DOCK9: variants seen among roughly 807,000 people sequenced by gnomAD.
The protein encoded by DOCK9 is dedicator of cytokinesis 9, also known as dedicator of cytokinesis protein 9.
A neutral mutation model predicts 263.3 loss-of-function variants in DOCK9; 89 were observed. That is an observed-to-expected ratio of 0.34 (90% CI 0.28 to 0.40). The LOEUF (loss-of-function observed/expected upper bound fraction) is 0.40. DOCK9 is among the 10% of genes least tolerant of loss of function. The pLI is 1.00. For missense variants in DOCK9, 2,140 were observed against 2,603.4 expected (o/e 0.82, Z 3.87); for synonymous variants, 976 against 973.1 (o/e 1.00, Z -0.06).
chr13:98,801,860 C>T (rs1049870891), intron 49 of DOCK9, among the ~76,000 whole-genome samples: 3 of 152,200 alleles, frequency 2.0e-5, no homozygotes, highest in African/African-American at 7.2e-5. Flanking sequence ...TGGACAAAAG[C>T]GGAAAACATG....
chr13:98,997,417 CCCGCA>C (rs1881305047), intron 1 of DOCK9, among the ~76,000 whole-genome samples: 1 of 152,220 alleles, frequency 6.6e-6, no homozygotes, highest in Admixed American at 6.5e-5. Flanking sequence ...CCTGCTGAGC[CCCGCA>C]CCTCAGAGTT....
chr13:98,920,858 TG>T, intron 7 of DOCK9, 95 bp downstream of exon 7: 1 of 1,207,454 alleles, frequency 8.3e-7, no homozygotes. Context: ...CCATGCATAT[TG>T]CCATTTTTGG....
intron 1 of DOCK9, among the ~76,000 whole-genome samples, chr13:98,974,717 T>C: frequency 8.9e-6 from 1 of 112,570 alleles, no homozygotes; most frequent in Non-Finnish European, 1.6e-5. Context: ...GCCATTGTAC[T>C]CCAGCCTGGG....
intron 1 of DOCK9, among the ~76,000 whole-genome samples, chr13:99,074,727 G>C (rs897871389): frequency 2.0e-5 from 3 of 152,168 alleles, no homozygotes; most frequent in African/African-American, 7.2e-5. Context: ...AAATCCACTT[G>C]TAACTCCTGT....
chr13:98,871,224 A>T (rs1176480424), intron 27 of DOCK9, among the ~76,000 whole-genome samples: 1 of 152,232 alleles, frequency 6.6e-6, no homozygotes, highest in East Asian at 1.9e-4. Context: ...AAATACTACA[A>T]GGTAAAAATG....
chr13:98,906,541 A>G (rs1382196608), intron 9 of DOCK9, among the ~76,000 whole-genome samples: 1 of 151,996 alleles, frequency 6.6e-6, no homozygotes, highest in African/African-American at 2.4e-5. Flanking sequence ...AATAGAATGT[A>G]CTCTCTCATC....
chr13:98,879,993 C>A (rs753402640), intron 26 of DOCK9, 24 bp from the exon 27 acceptor site: 4 of 1,562,836 alleles, frequency 2.6e-6, no homozygotes, highest in Non-Finnish European at 3.5e-6. Flanking sequence ...GAACAGGACC[C>A]AGTAAGAACA....
chr13:99,067,870 CTTTTT>C (rs66506438), intron 1 of DOCK9, among the ~76,000 whole-genome samples: 2 of 142,406 alleles, frequency 1.4e-5, no homozygotes, highest in Admixed American at 1.4e-4. Flanking sequence ...AGGACAGAAG[CTTTTT>C]TTTTTTTTTT....
chr13:98,820,690 G>A (rs1291020290), intron 45 of DOCK9: 1 of 429,588 alleles, frequency 2.3e-6, no homozygotes, highest in Non-Finnish European at 4.6e-6. Context: ...TGCAAAAATC[G>A]ATATTATTAG....
chr13:98,909,369 A>G lies in DOCK9; in HGVS notation c.961-4663T>C, dbSNP rs142011246. ...TTCCAGAAAGTCTGCTGTAGGCTTT[A>G]GGCATACTCTGTGTCTTAAATTTAT... On this transcript the variant is annotated intron_variant, in intron 9 of 52. Coordinates refer to ENST00000682017, the MANE Select transcript of DOCK9 (RefSeq NM_001366683.2). Among the ~76,000 whole-genome samples, 288 of 152,320 alleles carry G rather than the reference A, an allele frequency of 1.9e-3. 3 individuals carry two copies. The highest frequency in any genetic ancestry group is 6.6e-3 in the African/African-American group (273 of 41,578).
Position 98,831,360 on chromosome 13 carries a change from C to T in DOCK9, c.4623G>A (p.Arg1541=). 1.2e-6 allele frequency: 2 copies of T among 1,603,736 alleles called. No homozygotes were observed. Among genetic ancestry groups the T allele is most frequent in the South Asian group, 2.3e-5 (2 of 88,644 alleles). The change falls in exon 41 of 53, where the codon CGG becomes CGA. Residue 1541 remains arginine, a synonymous_variant. Transcript: ENST00000682017. ...AAACCACACGCACTTGCAAATGTGT[C>T]CGGACAAAGGACTTCTTTCCAGTGT... ...FDYTGKKSFV[R]THLQVIISVS...
At chr13:98,889,125 T>C (rs1303187716) in intron 15 of DOCK9, among the ~76,000 whole-genome samples, 4 of 152,236 alleles carry the variant, frequency 2.6e-5, no homozygotes, top group Admixed American at 2.6e-4. Flanking sequence ...TGTTCCTGAA[T>C]CACTCCAGCC....
At chr13:98,801,180 T>C (rs1258141320) in intron 49 of DOCK9, among the ~76,000 whole-genome samples, 1 of 152,120 alleles carries the variant, frequency 6.6e-6, no homozygotes. Flanking sequence ...TCCCAGCTAC[T>C]GGGGAGGCTG....
In DOCK9 at chr13:98,902,474, A is replaced by G; in HGVS notation, c.1194T>C (p.Val398=). 1 of 1,613,946 alleles carries G rather than the reference A, an allele frequency of 6.2e-7. No individual in the cohort carries two copies. The highest frequency in any genetic ancestry group is 1.1e-5 in the South Asian group (1 of 91,056). The change falls in exon 12 of 53, where the codon GTT becomes GTC. Residue 398 remains valine, a synonymous_variant. Transcript: ENST00000682017. ...ATTTTATGTCAAACAGGGATAGAGT[A>G]ACAAAGAAAGGTTCAACCTGAACAA... ...GPTTNVEPFF[V]TLSLFDIKYN...
intron 1 of DOCK9, among the ~76,000 whole-genome samples, chr13:98,966,678 T>C (rs1364478189): frequency 6.6e-6 from 1 of 152,220 alleles, no homozygotes; most frequent in East Asian, 1.9e-4. Flanking sequence ...CTACTTATTT[T>C]AAGATATTGG....
chr13:98,894,033 T>C (rs2047018457), intron 15 of DOCK9, among the ~76,000 whole-genome samples: 1 of 152,184 alleles, frequency 6.6e-6, no homozygotes, highest in Non-Finnish European at 1.5e-5. Context: ...ACACTTGGTT[T>C]TCCCTGGGCT....
chr13:98,932,428 AAAC>A lies in DOCK9; in HGVS notation c.244-2174_244-2172del, dbSNP rs1239030982. On this transcript the variant is annotated intron_variant, in intron 2 of 52. Coordinates refer to ENST00000682017, the MANE Select transcript of DOCK9 (RefSeq NM_001366683.2). ...ACAACAAACAAACAAACAAACAAAC[AAAC>A]AAAAAAACAGATCATAGTCATTAAA... 1.9e-3 allele frequency among the ~76,000 whole-genome samples: 287 copies of A among 152,028 alleles called. 4 individuals are homozygous for A. In the South Asian group the frequency reaches 0.02, roughly 10 times the overall value.
intron 2 of DOCK9, among the ~76,000 whole-genome samples, chr13:98,946,541 C>T (rs1194769899): frequency 6.6e-6 from 1 of 152,142 alleles, no homozygotes; most frequent in East Asian, 1.9e-4. Flanking sequence ...TTTCTCCTTC[C>T]TCAACTCCTC....
At position 98,867,861 on chromosome 13, in the gene DOCK9, A is replaced by G. The variant is rs529811946; in HGVS notation, c.3174+67T>C. 2.7e-5 allele frequency: 38 copies of G among 1,432,220 alleles called. No individual in the cohort carries two copies. In the African/African-American group the frequency reaches 5.2e-4, roughly 20 times the overall value. 88.7% of individuals were successfully genotyped at this position (1,432,220 alleles called of 1,614,324 possible). On this transcript the variant is annotated intron_variant, in intron 29 of 52. Coordinates refer to ENST00000682017, the MANE Select transcript of DOCK9 (RefSeq NM_001366683.2). ...GCAGAGCTTTAAAAAAAAAAAAGGA[A>G]AAAGATAATTCTACCAGAGAAAGGC...
Sources: allele counts gnomAD v4.1 joint callset (sites outside exome capture counted in the v4.1 genomes callset), GRCh38; gene constraint gnomAD v4.1.1; transcripts MANE v1.5; gene names NCBI Gene and HGNC (gene_info 2026-07-23, HGNC 2026-07-21).